Variants in BRINP1 observed in about 807,000 individuals in gnomAD.
The protein encoded by BRINP1 is BMP/retinoic acid inducible neural specific 1, also known as BMP/retinoic acid-inducible neural-specific protein 1.
In BRINP1, 17 loss-of-function variants were observed where a neutral mutation model predicts 72.9. That is an observed-to-expected ratio of 0.23 (90% CI 0.16 to 0.35). The LOEUF (loss-of-function observed/expected upper bound fraction) is 0.35, where lower values mean the gene tolerates loss of function less well. Ranked by LOEUF, BRINP1 falls within the 10% of genes least tolerant of loss-of-function variation. The probability of loss-of-function intolerance (pLI) is 1.00; values close to 1 mark genes in which losing one functional copy is unlikely to be tolerated. For synonymous variants in BRINP1, 418 were observed against 378.5 expected (o/e 1.10, Z -1.21); for missense variants, 850 against 1,001.6 (o/e 0.85, Z 2.04).
intron 7 of BRINP1, among the ~76,000 whole-genome samples, chr9:119,191,168 G>C (rs1829680033): frequency 6.6e-6 from 1 of 151,828 alleles, no homozygotes; most frequent in African/African-American, 2.4e-5. Flanking sequence ...AAAACCCACA[G>C]CTAACATCAT....
chr9:119,317,808 C>T (rs1403380382), intron 1 of BRINP1, among the ~76,000 whole-genome samples: 1 of 152,154 alleles, frequency 6.6e-6, no homozygotes. Flanking sequence ...CAAGACCTTC[C>T]ACCAGCAAAA....
intron 5 of BRINP1, among the ~76,000 whole-genome samples, chr9:119,215,871 T>C (rs1367109930): frequency 6.6e-6 from 1 of 151,704 alleles, no homozygotes; most frequent in Non-Finnish European, 1.5e-5. Context: ...CACGGTGTGG[T>C]CAAAAACCTG....
intron 1 of BRINP1, among the ~76,000 whole-genome samples, chr9:119,348,741 T>G (rs1381056132): frequency 6.6e-6 from 1 of 152,190 alleles, no homozygotes; most frequent in Non-Finnish European, 1.5e-5. Context: ...CTTACTATGG[T>G]GTCATATGTG....
intron 2 of BRINP1, among the ~76,000 whole-genome samples, chr9:119,290,061 G>C (rs558381303): frequency 6.6e-6 from 1 of 152,152 alleles, no homozygotes; most frequent in African/African-American, 2.4e-5. Context: ...AACTTTCCAT[G>C]GTAAGTAATG....
At chr9:119,300,415 G>C (rs913069872) in intron 2 of BRINP1, among the ~76,000 whole-genome samples, 2 of 152,076 alleles carry the variant, frequency 1.3e-5, no homozygotes, top group African/African-American at 4.8e-5. Flanking sequence ...GGAGGTGATG[G>C]ATACCCCATT....
chr9:119,197,948 T>C (rs940194001), intron 7 of BRINP1, among the ~76,000 whole-genome samples: 2 of 152,186 alleles, frequency 1.3e-5, no homozygotes, highest in Non-Finnish European at 2.9e-5. Flanking sequence ...CAAAAATGAC[T>C]ATCGATTTAA....
chr9:119,213,607 T>C, intron 6 of BRINP1: 2 of 546,974 alleles, frequency 3.7e-6, no homozygotes, highest in African/African-American at 1.9e-5. Context: ...AAGGAATCAA[T>C]ACAACTACCT....
chr9:119,270,629 T>C (rs1663749806), intron 2 of BRINP1, among the ~76,000 whole-genome samples: 1 of 152,116 alleles, frequency 6.6e-6, no homozygotes, highest in South Asian at 2.1e-4. Context: ...TTAGCTGAGA[T>C]AGGGAGGGCA....
chr9:119,223,026 T>C (rs577583485), intron 5 of BRINP1, among the ~76,000 whole-genome samples: 15 of 152,078 alleles, frequency 9.9e-5, no homozygotes, highest in African/African-American at 3.6e-4. Context: ...TCTCCCTTCT[T>C]TTTCTTGTTA....
At chr9:119,171,314 AAGGCAGGGGTTGC>A (rs1435233881) in intron 7 of BRINP1, among the ~76,000 whole-genome samples, 1 of 135,526 alleles carries the variant, frequency 7.4e-6, no homozygotes, top group Non-Finnish European at 1.6e-5. Context: ...AAAACAAAAA[AAGGCAGGGGTTGC>A]AATCCTAGTC....
intron 2 of BRINP1, among the ~76,000 whole-genome samples, chr9:119,295,798 C>T (rs1360562439): frequency 6.6e-6 from 1 of 152,170 alleles, no homozygotes. Flanking sequence ...AAAAGGTTCT[C>T]TCTTCAATAA....
At chr9:119,168,600 A>T (rs200902266) in intron 7 of BRINP1, among the ~76,000 whole-genome samples, 17 of 150,294 alleles carry the variant, frequency 1.1e-4, no homozygotes, top group Non-Finnish European at 1.9e-4. Context: ...ATGACAACAT[A>T]TTGTAAACAA....
At chr9:119,208,454 T>C (rs1293036704) in intron 7 of BRINP1, among the ~76,000 whole-genome samples, 1 of 152,182 alleles carries the variant, frequency 6.6e-6, no homozygotes, top group African/African-American at 2.4e-5. Context: ...AGGGCTAGTG[T>C]TCCCCTCCTC....
intron 2 of BRINP1, among the ~76,000 whole-genome samples, chr9:119,259,037 C>T (rs1830472349): frequency 6.6e-6 from 1 of 152,174 alleles, no homozygotes. Flanking sequence ...CCCACCCTGC[C>T]AGGAGTCTCC....
intron 2 of BRINP1, among the ~76,000 whole-genome samples, chr9:119,281,526 T>G: frequency 6.6e-6 from 1 of 152,276 alleles, no homozygotes; most frequent in African/African-American, 2.4e-5. Context: ...GTATCATAGA[T>G]TCTCTATGGT....
Position 119,167,882 on chromosome 9 carries a change from G to A in BRINP1, c.1488C>T (p.Asp496=). 1.2e-6 allele frequency: 2 copies of A among 1,614,202 alleles called. No individual in the cohort carries two copies. Among genetic ancestry groups the A allele is most frequent in the South Asian group, 2.2e-5 (2 of 91,086 alleles). Residue 496 remains aspartate (D), a synonymous_variant, in exon 8 of 8, where the codon GAC becomes GAT. Coordinates refer to ENST00000265922, the MANE Select transcript of BRINP1 (RefSeq NM_014618.3). This position sits in a 1 kb window ranked among gnomAD's most constrained non-coding sequence, Gnocchi z 4.3. The part of the protein sequence containing the change: ...LELKYLLQKM[D]SRLYVHTTFI... ...AGGTGGTGTGGACGTAGAGGCGTGAGTCCATCTTCTGCAGCAGGTACTTCA... is the reference window on the plus strand; with the variant it reads ...AGGTGGTGTGGACGTAGAGGCGTGAATCCATCTTCTGCAGCAGGTACTTCA...
intron 2 of BRINP1, among the ~76,000 whole-genome samples, chr9:119,267,612 G>A (rs57753524): frequency 0.042 from 6,254 of 149,720 alleles, 451 homozygotes; most frequent in African/African-American, 0.15. Flanking sequence ...CTCTACCCTG[G>A]GCAACAAGAG....
At chr9:119,263,774 AT>A (rs748075244) in intron 2 of BRINP1, among the ~76,000 whole-genome samples, 2 of 151,328 alleles carry the variant, frequency 1.3e-5, no homozygotes, top group Admixed American at 6.6e-5. Flanking sequence ...CGTCTGGCTA[AT>A]TTTTTTGTAT....
chr9:119,338,730 A>AG (rs1554756003), intron 1 of BRINP1, among the ~76,000 whole-genome samples: 24 of 150,848 alleles, frequency 1.6e-4, no homozygotes, highest in Admixed American at 1.3e-3. Flanking sequence ...AAAAAAAAAA[A>AG]AAGAAGAAGA....
Sources: allele counts gnomAD v4.1 joint callset (sites outside exome capture counted in the v4.1 genomes callset), GRCh38; gene constraint gnomAD v4.1.1; non-coding constraint Gnocchi (gnomAD v3.1); transcripts MANE v1.5; gene names NCBI Gene and HGNC (gene_info 2026-07-23, HGNC 2026-07-21).